CTNNA3: variants seen among roughly 807,000 people sequenced by gnomAD.
The protein encoded by CTNNA3 is catenin alpha-3.
A neutral mutation model predicts 95.7 loss-of-function variants in CTNNA3; 76 were observed. The ratio of observed to expected loss-of-function variants is 0.79; its 90% confidence interval spans 0.66 to 0.96. CTNNA3 has a LOEUF of 0.96. CTNNA3 is among the 40% of genes least tolerant of loss of function. The pLI, the probability that CTNNA3 is intolerant of heterozygous loss-of-function variation, is 0.00. For synonymous variants in CTNNA3, 431 were observed against 374.4 expected (o/e 1.15, Z -1.74); for missense variants, 1,191 against 1,089.8 (o/e 1.09, Z -1.31).
chr10:67,515,956 A>G (rs1839798360), intron 5 of CTNNA3, among the ~76,000 whole-genome samples: 1 of 151,930 alleles, frequency 6.6e-6, no homozygotes, highest in African/African-American at 2.4e-5. Context: ...TTTATCTTTT[A>G]TTTTATTGAT....
chr10:66,118,942 C>T (rs968732224), intron 13 of CTNNA3, among the ~76,000 whole-genome samples: 4 of 151,848 alleles, frequency 2.6e-5, no homozygotes, highest in African/African-American at 9.7e-5. Context: ...ACAGGGTCTC[C>T]CTATGTTGCT....
intron 10 of CTNNA3, among the ~76,000 whole-genome samples, chr10:66,616,956 C>T (rs1272450750): frequency 3.3e-5 from 5 of 151,798 alleles, no homozygotes; most frequent in African/African-American, 9.7e-5. Flanking sequence ...CAAAATCATC[C>T]CTGCCCTCTA....
intron 12 of CTNNA3, among the ~76,000 whole-genome samples, chr10:66,297,652 T>TA (rs1356829292): frequency 1.3e-5 from 2 of 152,154 alleles, no homozygotes; most frequent in Non-Finnish European, 2.9e-5. Context: ...CAGATAAAGG[T>TA]GGCTTTCAAA....
At chr10:66,282,021 C>T (rs1351803758) in intron 12 of CTNNA3, among the ~76,000 whole-genome samples, 1 of 151,824 alleles carries the variant, frequency 6.6e-6, no homozygotes, top group Non-Finnish European at 1.5e-5. Context: ...CTTAGTCATA[C>T]TCATCCCATT....
chr10:66,205,418 A>G (rs968981084), intron 13 of CTNNA3, among the ~76,000 whole-genome samples: 1 of 152,030 alleles, frequency 6.6e-6, no homozygotes, highest in African/African-American at 2.4e-5. Flanking sequence ...ATTTTTCATT[A>G]TACACACCAC....
At chr10:66,128,708 T>C (rs1291824132) in intron 13 of CTNNA3, among the ~76,000 whole-genome samples, 1 of 152,140 alleles carries the variant, frequency 6.6e-6, no homozygotes, top group African/African-American at 2.4e-5. Context: ...CATTACATTA[T>C]GATGGTGTTT....
At chr10:67,758,916 T>G (rs1564847669) in intron 1 of CTNNA3, among the ~76,000 whole-genome samples, 1 of 152,220 alleles carries the variant, frequency 6.6e-6, no homozygotes, top group Non-Finnish European at 1.5e-5. Flanking sequence ...TCCTTCTTGA[T>G]TCTTCTTCTT....
intron 10 of CTNNA3, among the ~76,000 whole-genome samples, chr10:66,601,968 T>G (rs1160175878): frequency 6.6e-6 from 1 of 151,896 alleles, no homozygotes; most frequent in Non-Finnish European, 1.5e-5. Context: ...TCTCTAAATC[T>G]AAATTAGGAT....
chr10:66,025,373 G>A (rs2079313170), intron 15 of CTNNA3, among the ~76,000 whole-genome samples: 1 of 152,198 alleles, frequency 6.6e-6, no homozygotes, highest in Admixed American at 6.5e-5. Flanking sequence ...GGAAACAGTG[G>A]AGGTGATGAA....
chr10:66,490,461 A>G (rs923854035), intron 11 of CTNNA3, among the ~76,000 whole-genome samples: 1 of 152,192 alleles, frequency 6.6e-6, no homozygotes, highest in African/African-American at 2.4e-5. Context: ...ACATATAAAA[A>G]GAAGACTATT....
intron 1 of CTNNA3, among the ~76,000 whole-genome samples, chr10:67,761,379 C>A (rs1171830102): frequency 6.6e-6 from 1 of 152,124 alleles, no homozygotes; most frequent in Non-Finnish European, 1.5e-5. Flanking sequence ...ATAAAATGCT[C>A]CCAAAACCAT....
At chr10:66,837,948 C>A (rs567857952) in intron 7 of CTNNA3, among the ~76,000 whole-genome samples, 21 of 152,102 alleles carry the variant, frequency 1.4e-4, no homozygotes, top group Non-Finnish European at 2.9e-4. Context: ...TCAAACCCAC[C>A]TGAGTTCCTC....
chr10:66,858,975 C>A (rs1843794287), intron 7 of CTNNA3, among the ~76,000 whole-genome samples: 1 of 151,716 alleles, frequency 6.6e-6, no homozygotes, highest in Non-Finnish European at 1.5e-5. Flanking sequence ...TTATCTAGAC[C>A]CCATATATAG....
rs117883739 is a variant in CTNNA3, at chr10:66,671,387, G to T, written c.1282-49603C>A. ...TTAGGTTACTCCTTTGAAGATTTAT[G>T]CATTACCCAAGAAAGAGAAAACCAA... On this transcript the variant is annotated intron_variant, in intron 9 of 17. Coordinates refer to ENST00000433211, the MANE Select transcript of CTNNA3 (RefSeq NM_013266.4). 4.5e-3 allele frequency among the ~76,000 whole-genome samples: 677 copies of T among 152,014 alleles called. 7 individuals are homozygous for T. Among genetic ancestry groups the T allele is most frequent in the Middle Eastern group, 0.021 (6 of 292 alleles).
At chr10:65,958,082 T>C (rs2077768997) in intron 17 of CTNNA3, among the ~76,000 whole-genome samples, 1 of 147,562 alleles carries the variant, frequency 6.8e-6, no homozygotes, top group African/African-American at 2.5e-5. Flanking sequence ...TTTATTTGTT[T>C]CTTTTTACTC....
intron 4 of CTNNA3, among the ~76,000 whole-genome samples, chr10:67,537,037 T>C (rs1349877205): frequency 1.3e-5 from 2 of 152,168 alleles, no homozygotes; most frequent in African/African-American, 4.8e-5. Context: ...TTCTCTTTGA[T>C]AAGATGCCAC....
chr10:67,522,709 C>T (rs771505118), intron 4 of CTNNA3, among the ~76,000 whole-genome samples: 9 of 150,918 alleles, frequency 6.0e-5, no homozygotes, highest in African/African-American at 1.7e-4. Flanking sequence ...AAAATTGCAA[C>T]GAACCACAGA....
chr10:66,285,615 A>G (rs1003991075), intron 12 of CTNNA3, among the ~76,000 whole-genome samples: 1 of 151,934 alleles, frequency 6.6e-6, no homozygotes. Context: ...GAACCAAGTA[A>G]TGTTCTATGA....
At chr10:66,135,612 T>C (rs529416688) in intron 13 of CTNNA3, among the ~76,000 whole-genome samples, 2 of 152,200 alleles carry the variant, frequency 1.3e-5, no homozygotes, top group African/African-American at 4.8e-5. Flanking sequence ...CAATGGATGC[T>C]AAATTCATTA....
Sources: allele counts gnomAD v4.1 joint callset (sites outside exome capture counted in the v4.1 genomes callset), GRCh38; gene constraint gnomAD v4.1.1; transcripts MANE v1.5; gene names NCBI Gene and HGNC (gene_info 2026-07-23, HGNC 2026-07-21).